The following POC1B variants were observed in gnomAD, a reference collection of about 807,000 sequenced individuals.
POC1B encodes the protein POC1 centriolar protein homolog B.
In POC1B, 44 loss-of-function variants were observed where a neutral mutation model predicts 60.6. The observed-to-expected ratio is 0.73, with a 90% CI of 0.57 to 0.93. POC1B has a LOEUF of 0.93. Among genes scored for constraint, POC1B ranks in the 40% least tolerant of loss-of-function variants. POC1B has a pLI of 0.00. For missense variants in POC1B, 555 were observed against 572.3 expected (o/e 0.97, Z 0.31); for synonymous variants, 180 against 198.9 (o/e 0.90, Z 0.80).
chr12:89,448,046 A>C (rs1325517475), intron 10 of POC1B, among the ~76,000 whole-genome samples: 1 of 152,132 alleles, frequency 6.6e-6, no homozygotes, highest in Non-Finnish European at 1.5e-5. Context: ...ACAGCCACAC[A>C]GTTTGTATCA....
Position 89,497,405 on chromosome 12 carries a change from T to C in POC1B, c.101-63A>G, listed in dbSNP as rs1869312253. 12 of 1,496,364 alleles carry C rather than the reference T, an allele frequency of 8.0e-6. No individual in the cohort carries two copies. In the East Asian group the frequency reaches 2.5e-4, roughly 31 times the overall value. The allele number at this position is 1,496,364 out of a possible 1,614,324, so 92.7% of individuals were successfully genotyped here. ...AAATGCAAACATAGGTGTGTCTCAT[T>C]ACAATGAGCAGCATATCTAATAACA... On this transcript the variant is annotated intron_variant, in intron 2 of 11. Coordinates refer to ENST00000313546, the MANE Select transcript of POC1B (RefSeq NM_172240.3).
chr12:89,523,595 T>C, intron 2 of POC1B: 1 of 1,565,744 alleles, frequency 6.4e-7, no homozygotes, highest in South Asian at 1.2e-5. Flanking sequence ...TGAAAATATT[T>C]CTTGCTGACA....
intron 2 of POC1B, among the ~76,000 whole-genome samples, chr12:89,507,947 C>T (rs991153195): frequency 1.3e-5 from 2 of 152,200 alleles, no homozygotes; most frequent in African/African-American, 4.8e-5. Flanking sequence ...AATTATCTTA[C>T]GTATCTTTTC....
intron 4 of POC1B, among the ~76,000 whole-genome samples, chr12:89,488,046 T>C (rs548879785): frequency 2.8e-4 from 43 of 152,332 alleles, no homozygotes; most frequent in African/African-American, 9.4e-4. Context: ...GCAGTGACTA[T>C]ACTTATTAAA....
chr12:89,432,960 G>C (rs1881098939), intron 10 of POC1B, among the ~76,000 whole-genome samples: 1 of 152,156 alleles, frequency 6.6e-6, no homozygotes, highest in African/African-American at 2.4e-5. Flanking sequence ...TGGCCCTTGA[G>C]GTTGAAGACT....
At chr12:89,523,907 C>T (rs752907857) in intron 2 of POC1B, 7 of 1,594,856 alleles carry the variant, frequency 4.4e-6, no homozygotes, top group South Asian at 2.3e-5. Flanking sequence ...GCGAAAGTGG[C>T]CCCAATCAGA....
At chr12:89,452,608 G>A (rs1376222966) in intron 10 of POC1B, among the ~76,000 whole-genome samples, 1 of 151,758 alleles carries the variant, frequency 6.6e-6, no homozygotes, top group Non-Finnish European at 1.5e-5. Flanking sequence ...AGAGAAAGAA[G>A]GTCAAATTAG....
chr12:89,502,601 G>A (rs1463037939), intron 2 of POC1B: 2 of 1,267,298 alleles, frequency 1.6e-6, no homozygotes, highest in African/African-American at 1.5e-5. Context: ...AAAGGACCCA[G>A]AAACAAGAGA....
intron 4 of POC1B, among the ~76,000 whole-genome samples, chr12:89,483,630 C>A (rs1868470353): frequency 6.6e-6 from 1 of 152,150 alleles, no homozygotes; most frequent in Non-Finnish European, 1.5e-5. Context: ...GATTTCAACA[C>A]ATGAATTTTT....
In POC1B at chr12:89,425,313, G is replaced by C. The variant is rs1165538857; in HGVS notation, c.1180C>G (p.Pro394Ala). 1.2e-6 allele frequency: 2 copies of C among 1,614,086 alleles called. No homozygotes were observed. The highest frequency in any genetic ancestry group is 1.7e-6 in the Non-Finnish European group (2 of 1,180,014). The change falls in exon 11 of 12, where the codon CCT becomes GCT. Residue 394 changes from proline (P) to alanine (A), a missense_variant. By Grantham distance (27) the Pro-to-Ala change is conservative. Transcript: ENST00000313546. Reference sequence around the variant, plus strand: ...AAACATTCTGGTGACATTAAGGAAGGGTTCAAGAAATATCCACAGGCCTCT... The same window carrying C: ...AAACATTCTGGTGACATTAAGGAAGCGTTCAAGAAATATCCACAGGCCTCT... ...GEEACGYFLN[P>A]SLMSPECLPT...
intron 9 of POC1B, among the ~76,000 whole-genome samples, chr12:89,463,507 G>A (rs1195996365): frequency 6.6e-6 from 1 of 152,180 alleles, no homozygotes; most frequent in African/African-American, 2.4e-5. Flanking sequence ...ACAGTCTGAA[G>A]AAGATAAAGT....
At chr12:89,496,219 G>A (rs149035824) in intron 3 of POC1B, among the ~76,000 whole-genome samples, 8 of 152,106 alleles carry the variant, frequency 5.3e-5, no homozygotes, top group Non-Finnish European at 1.0e-4. Context: ...TAGATCCCTC[G>A]CATGCACAGT....
chr12:89,497,406 A>G, intron 2 of POC1B, 64 bp from the exon 3 acceptor site: 1 of 1,487,832 alleles, frequency 6.7e-7, no homozygotes, highest in Non-Finnish European at 9.2e-7. Context: ...GTGTCTCATT[A>G]CAATGAGCAG....
chr12:89,459,852 A>T (rs977044417), intron 9 of POC1B, 134 bp from the exon 10 acceptor site: 7 of 517,602 alleles, frequency 1.4e-5, no homozygotes, highest in Non-Finnish European at 2.0e-5. Flanking sequence ...TACTATGGAT[A>T]AAAAAAATTT....
At chr12:89,492,548 C>G (rs11105300) in intron 3 of POC1B, among the ~76,000 whole-genome samples, 75,384 of 152,016 alleles carry the variant, frequency 0.5, 18,872 homozygotes, top group East Asian at 0.58. Flanking sequence ...CATATTGATA[C>G]TCAAGATAAC....
Position 89,492,032 on chromosome 12 carries a change from G to A in POC1B, c.356C>T (p.Thr119Ile), listed in dbSNP as rs1225701102. ...TTTTATGGATTTGTCTTCAGAAGCT[G>A]TAGCTAGAAACTGGCCATCAGCTGA... is the stretch of plus-strand genomic sequence containing the variant. ...DFSADGQFLA[T>I]ASEDKSIKVW... The change falls in exon 4 of 12, where the codon ACA becomes ATA. Residue 119 changes from threonine to isoleucine, a missense_variant. Thr to Ile is a moderately conservative substitution (Grantham distance 89). Transcript: ENST00000313546. 7.5e-6 allele frequency: 12 copies of A among 1,609,748 alleles called. No individual in the cohort carries two copies. In the East Asian group the frequency reaches 2.5e-4, roughly 33 times the overall value.
intron 11 of POC1B, among the ~76,000 whole-genome samples, chr12:89,421,616 G>A (rs1312625111): frequency 6.6e-6 from 1 of 152,162 alleles, no homozygotes; most frequent in Non-Finnish European, 1.5e-5. Context: ...GAGAAGGGGA[G>A]GGGGTGCGAA....
At chr12:89,406,097 C>G in the POC1B span, among the ~76,000 whole-genome samples, 1 of 151,556 alleles carries the variant, frequency 6.6e-6, no homozygotes, top group Non-Finnish European at 1.5e-5. Context: ...CCTGAGGCAC[C>G]AGCAGACTTC....
intron 10 of POC1B, among the ~76,000 whole-genome samples, chr12:89,453,604 T>C (rs1013160544): frequency 6.6e-6 from 1 of 152,212 alleles, no homozygotes; most frequent in African/African-American, 2.4e-5. Context: ...AATGCCACCA[T>C]ATAAACTGCT....
Sources: allele counts gnomAD v4.1 joint callset (sites outside exome capture counted in the v4.1 genomes callset), GRCh38; gene constraint gnomAD v4.1.1; transcripts MANE v1.5; gene names NCBI Gene and HGNC (gene_info 2026-07-23, HGNC 2026-07-21).